The following SRSF7 variants were observed in gnomAD, a reference collection of about 807,000 sequenced individuals.
The protein encoded by SRSF7 is serine and arginine rich splicing factor 7.
Under a neutral mutation model 42.2 loss-of-function variants are expected in SRSF7, and 15 were observed. The ratio of observed to expected loss-of-function variants is 0.36; its 90% CI spans 0.24 to 0.55. The LOEUF is 0.55. Among genes scored for constraint, SRSF7 ranks in the 20% least tolerant of loss-of-function variants. SRSF7 has a pLI of 0.88. For missense variants in SRSF7, 181 were observed against 305.9 expected (o/e 0.59, Z 3.04); for synonymous variants, 138 against 107.9 (o/e 1.28, Z -1.73).
intron 5 of SRSF7, 28 bp downstream of exon 5, chr2:38,748,019 A>C (rs771294870): frequency 1.3e-6 from 2 of 1,533,890 alleles, no homozygotes; most frequent in Non-Finnish European, 1.8e-6. Flanking sequence ...CAATCCAAAC[A>C]CAAGTAAGGA....
At chr2:38,747,815 T>C (rs1448839358) in intron 5 of SRSF7, among the ~76,000 whole-genome samples, 2 of 152,242 alleles carry the variant, frequency 1.3e-5, no homozygotes, top group East Asian at 1.9e-4. Context: ...TAGAACTGTA[T>C]TGCTTGGGAC....
intron 1 of SRSF7, among the ~76,000 whole-genome samples, chr2:38,750,561 G>A (rs942025801): frequency 2.0e-5 from 3 of 151,696 alleles, no homozygotes; most frequent in Admixed American, 6.6e-5. Flanking sequence ...GCGGCGGGAG[G>A]GCCTCGGTAG....
chr2:38,745,119 T>C lies in SRSF7; in HGVS notation c.*14A>G. 1.9e-6 allele frequency: 3 copies of C among 1,613,856 alleles called. No individual in the cohort carries two copies. Among genetic ancestry groups the C allele is most frequent in the Non-Finnish European group, 2.5e-6 (3 of 1,179,818 alleles). ...AACAAAATAACTTTTCCCTAAAGGG[T>C]GAACTTGAGAGCTTCAGTCCATTCT... On this transcript the variant is annotated 3_prime_UTR_variant, in exon 8 of 8. Transcript: ENST00000313117.
intron 5 of SRSF7, 115 bp from the exon 6 acceptor site, chr2:38,746,862 G>C (rs1001871334): frequency 6.6e-7 from 1 of 1,510,422 alleles, no homozygotes; most frequent in East Asian, 2.3e-5. Flanking sequence ...TAAACAAGAT[G>C]CAACACTTGC....
At chr2:38,749,324 G>C in intron 3 of SRSF7, 1 of 1,515,980 alleles carries the variant, frequency 6.6e-7, no homozygotes. Context: ...CTGAATCAAG[G>C]CGACTGACTC....
Position 38,748,669 on chromosome 2 carries a change from G to A in SRSF7, c.387-16C>T. On this transcript the variant is annotated splice_polypyrimidine_tract_variant and intron_variant, in intron 3 of 7. Coordinates refer to ENST00000313117, the MANE Select transcript of SRSF7 (RefSeq NM_001031684.3). The stretch of plus-strand genomic sequence containing the variant: ...AGACCGTGACCTATTTTTCAAGTTA[G>A]AGAAAAAACAAAATGTCAGACAATA... 1.6e-5 allele frequency: 26 copies of A among 1,612,428 alleles called. No individual in the cohort carries two copies. The highest frequency in any genetic ancestry group is 1.0e-4 in the Admixed American group (6 of 59,882).
intron 5 of SRSF7, 137 bp from the exon 6 acceptor site, chr2:38,746,884 T>C (rs1667501987): frequency 7.1e-7 from 1 of 1,410,738 alleles, no homozygotes; most frequent in Non-Finnish European, 9.5e-7. Flanking sequence ...TTATTCTGTC[T>C]AACACACTGT....
rs933638959 is a variant in SRSF7 at position 38,750,956 on chromosome 2, G to A, written c.28+273C>T. ...GAGGGGGGCCGGCGGGCAGCTCCGA[G>A]AAAGGCAACGCGAAAACCGTCATCT... On this transcript the variant is annotated intron_variant, in intron 1 of 7. Coordinates refer to ENST00000313117, the MANE Select transcript of SRSF7 (RefSeq NM_001031684.3). 12 of 407,650 alleles carry A rather than the reference G, an allele frequency of 2.9e-5. No homozygotes were observed. In the Admixed American group the frequency reaches 3.7e-4, roughly 12 times the overall value. 25.3% of individuals were successfully genotyped at this position (407,650 alleles called of 1,614,324 possible). A position where few individuals can be genotyped will look rare whatever the true frequency, so the allele number is the denominator to read the frequency against.
Position 38,744,623 on chromosome 2 carries a change from G to C in SRSF7, c.*510C>G. The C allele has an allele frequency of 6.5e-6, 1 of 154,016 alleles. No individual in the cohort carries two copies. The highest frequency in any genetic ancestry group is 2.4e-5 in the African/African-American group (1 of 41,418). 9.5% of individuals were successfully genotyped at this position (154,016 alleles called of 1,614,324 possible). A position where few individuals can be genotyped will look rare whatever the true frequency, so the allele number is the denominator to read the frequency against. On this transcript the variant is annotated 3_prime_UTR_variant, in exon 8 of 8. Transcript: ENST00000313117. Reference sequence around the variant, plus strand: ...TACCTACTAACACCAACTTCAAACGGATTAGCTAACTTAAGGATCTGTCAT... The same window carrying C: ...TACCTACTAACACCAACTTCAAACGCATTAGCTAACTTAAGGATCTGTCAT...
chr2:38,750,197 G>A lies in SRSF7; in HGVS notation c.29-3C>T. On this transcript the variant is annotated splice_polypyrimidine_tract_variant and splice_region_variant and intron_variant, in intron 1 of 7. Coordinates refer to ENST00000313117, the MANE Select transcript of SRSF7 (RefSeq NM_001031684.3). ...GTTACCAACATACACCTTGGTTTCT[G>A]TTTAAAAACGCAAATAGAAGAATGC... 1 of 1,584,998 alleles carries A rather than the reference G, an allele frequency of 6.3e-7. No homozygotes were observed. Among genetic ancestry groups the A allele is most frequent in the Non-Finnish European group, 8.6e-7 (1 of 1,169,348 alleles).
chr2:38,744,526 G>A lies in SRSF7; in HGVS notation c.*607C>T. On this transcript the variant is annotated 3_prime_UTR_variant, in exon 8 of 8. Coordinates refer to ENST00000313117, the MANE Select transcript of SRSF7 (RefSeq NM_001031684.3). Reference sequence around the variant, plus strand: ...TTTCTATTTCTCATACATTTAATCAGTTTCGTTTAGTTCCTGTCATGCTCA... The same window carrying A: ...TTTCTATTTCTCATACATTTAATCAATTTCGTTTAGTTCCTGTCATGCTCA... 1 of 152,136 alleles carries A rather than the reference G, an allele frequency of 6.6e-6. No homozygotes were observed. The highest frequency in any genetic ancestry group is 1.5e-5 in the Non-Finnish European group (1 of 68,034). 9.4% of individuals were successfully genotyped at this position (152,136 alleles called of 1,614,324 possible).
chr2:38,749,379 T>C (rs753847495), intron 3 of SRSF7, 150 bp downstream of exon 3: 97 of 1,540,444 alleles, frequency 6.3e-5, no homozygotes, highest in Admixed American at 5.8e-4. Context: ...ATTATTAATA[T>C]AGTAACATTT....
chr2:38,749,374 T>C, intron 3 of SRSF7, 155 bp downstream of exon 3: 1 of 1,540,714 alleles, frequency 6.5e-7, no homozygotes, highest in South Asian at 1.2e-5. Context: ...GGTTGATTAT[T>C]AATATAGTAA....
In SRSF7 at chr2:38,751,348, C is replaced by T; in HGVS notation, c.-92G>A. 2 of 1,575,142 alleles carry T rather than the reference C, an allele frequency of 1.3e-6. No individual in the cohort carries two copies. Among genetic ancestry groups the T allele is most frequent in the South Asian group, 1.1e-5 (1 of 90,050 alleles). ...ACACACACCTTCACCCGCCAAGAGT[C>T]CCGGCGGCACTACGAGGAAGAGCCC... is the stretch of plus-strand genomic sequence containing the variant. On this transcript the variant is annotated 5_prime_UTR_variant, in exon 1 of 8. Coordinates refer to ENST00000313117, the MANE Select transcript of SRSF7 (RefSeq NM_001031684.3).
intron 5 of SRSF7, among the ~76,000 whole-genome samples, chr2:38,747,786 G>A (rs1226801435): frequency 6.6e-6 from 1 of 152,176 alleles, no homozygotes; most frequent in Non-Finnish European, 1.5e-5. Flanking sequence ...ATAGCAACAT[G>A]CCTACCCAGA....
At chr2:38,748,738 C>G in intron 3 of SRSF7, 85 bp from the exon 4 acceptor site, 27 of 1,413,526 alleles carry the variant, frequency 1.9e-5, no homozygotes, top group Non-Finnish European at 2.6e-5. Context: ...AATCAAATCT[C>G]AAAACTATTT....
At chr2:38,747,473 CTTAT>C (rs1667633481) in intron 5 of SRSF7, among the ~76,000 whole-genome samples, 1 of 152,106 alleles carries the variant, frequency 6.6e-6, no homozygotes, top group Admixed American at 6.6e-5. Context: ...TGTTGCAATA[CTTAT>C]TTTACAATTT....
intron 1 of SRSF7, 92 bp from the exon 2 acceptor site, chr2:38,750,286 G>T: frequency 8.1e-7 from 1 of 1,229,532 alleles, no homozygotes; most frequent in Non-Finnish European, 1.1e-6. Context: ...CCATCCTCAA[G>T]ATTGGGTAAA....
chr2:38,748,547 T>C (rs748823970), intron 4 of SRSF7, 32 bp downstream of exon 4: 49 of 1,600,444 alleles, frequency 3.1e-5, no homozygotes, highest in Non-Finnish European at 4.1e-5. Flanking sequence ...TTAATAATAA[T>C]ACAGAAAGAC....
Sources: allele counts gnomAD v4.1 joint callset (sites outside exome capture counted in the v4.1 genomes callset), GRCh38; gene constraint gnomAD v4.1.1; transcripts MANE v1.5; gene names NCBI Gene and HGNC (gene_info 2026-07-23, HGNC 2026-07-21).